PCDH7: variants seen among roughly 807,000 people sequenced by gnomAD.
PCDH7 encodes the protein protocadherin 7.
A neutral mutation model predicts 58.9 loss-of-function variants in PCDH7; 17 were observed. The ratio of observed to expected loss-of-function variants is 0.29; its 90% CI spans 0.20 to 0.43. The LOEUF is 0.43. Among genes scored for constraint, PCDH7 ranks in the 20% least tolerant of loss-of-function variants. The probability of loss-of-function intolerance (pLI) is 1.00; values close to 1 mark genes in which losing one functional copy is unlikely to be tolerated. For missense variants in PCDH7, 1,274 were observed against 1,441.0 expected, an observed-to-expected ratio of 0.88 and a Z score of 1.88; for synonymous variants, 664 against 616.4, an observed-to-expected ratio of 1.08 and a Z score of -1.14.
chr4:30,733,788 T>A (rs139447341), downstream of PCDH7, among the ~76,000 whole-genome samples: 11 of 152,094 alleles, frequency 7.2e-5, no homozygotes, highest in Admixed American at 2.0e-4. Flanking sequence ...TGAAAAAAAA[T>A]ATTCAGTCAT....
chr4:30,951,086 T>A (rs2109447861), intron 3 of PCDH7, among the ~76,000 whole-genome samples: 1 of 152,308 alleles, frequency 6.6e-6, no homozygotes, highest in South Asian at 2.1e-4. Flanking sequence ...GACACATGAC[T>A]AAAATGCTAC....
intron 3 of PCDH7, among the ~76,000 whole-genome samples, chr4:31,005,694 T>C (rs1752716319): frequency 6.6e-6 from 1 of 152,198 alleles, no homozygotes; most frequent in Admixed American, 6.5e-5. Context: ...AGGTTGAGTT[T>C]ATATGTTTTT....
At chr4:30,983,032 C>T (rs1417987202) in intron 3 of PCDH7, among the ~76,000 whole-genome samples, 1 of 152,136 alleles carries the variant, frequency 6.6e-6, no homozygotes, top group Non-Finnish European at 1.5e-5. Flanking sequence ...TGATAACATG[C>T]CTCTACTCTT....
intron 3 of PCDH7, among the ~76,000 whole-genome samples, chr4:31,077,188 A>G (rs1384789507): frequency 1.3e-5 from 2 of 152,160 alleles, no homozygotes; most frequent in Non-Finnish European, 2.9e-5. Flanking sequence ...AGGCGAGCAG[A>G]TCACCTGAGG....
intron 3 of PCDH7, among the ~76,000 whole-genome samples, chr4:30,978,465 GC>G (rs1490644242): frequency 1.3e-5 from 2 of 152,072 alleles, no homozygotes; most frequent in Admixed American, 6.6e-5. Flanking sequence ...AAGTAAACAT[GC>G]TTTTTTTAAT....
chr4:31,103,646 T>A (rs1715183626), intron 3 of PCDH7, among the ~76,000 whole-genome samples: 1 of 152,208 alleles, frequency 6.6e-6, no homozygotes, highest in Admixed American at 6.5e-5. Context: ...TCTTTAAAAA[T>A]GTTGCTCTGA....
At chr4:30,911,574 C>G (rs1741779532) in intron 1 of PCDH7, among the ~76,000 whole-genome samples, 1 of 152,048 alleles carries the variant, frequency 6.6e-6, no homozygotes, top group Non-Finnish European at 1.5e-5. Flanking sequence ...ATAGAGGAAC[C>G]ACAATTTGTG....
chr4:30,864,566 C>T (rs143452338), intron 1 of PCDH7, among the ~76,000 whole-genome samples: 1 of 151,854 alleles, frequency 6.6e-6, no homozygotes, highest in East Asian at 1.9e-4. Context: ...AGATGATATA[C>T]TACATTTACA....
downstream of PCDH7, among the ~76,000 whole-genome samples, chr4:30,736,578 G>GCCC (rs1268684946): frequency 1.4e-5 from 2 of 146,822 alleles, no homozygotes; most frequent in Non-Finnish European, 3.0e-5. Context: ...CTCTGCCGCC[G>GCCC]GGGCTGGAGT....
intron 1 of PCDH7, among the ~76,000 whole-genome samples, chr4:30,918,271 C>T (rs989274118): frequency 6.6e-6 from 1 of 151,904 alleles, no homozygotes; most frequent in African/African-American, 2.4e-5. Flanking sequence ...AGGAGACTGT[C>T]AGTGGTCTCA....
At chr4:30,732,756 A>T (rs1353616981) in exon 2 of PCDH7, 1 of 152,090 alleles carries the variant, frequency 6.6e-6, no homozygotes, top group Non-Finnish European at 1.5e-5. Context: ...TGGGGTAGGA[A>T]GTTATGGCTA....
At chr4:30,769,213 T>C (rs1235719592) in intron 1 of PCDH7, among the ~76,000 whole-genome samples, 20 of 152,230 alleles carry the variant, frequency 1.3e-4, no homozygotes, top group Non-Finnish European at 1.5e-5. Context: ...TGCAGGACTG[T>C]AGGCACCAGG....
At chr4:30,968,534 C>T (rs1749258035) in intron 3 of PCDH7, among the ~76,000 whole-genome samples, 1 of 151,288 alleles carries the variant, frequency 6.6e-6, no homozygotes, top group South Asian at 2.1e-4. Flanking sequence ...AAAATCATCC[C>T]TGAACTCCAT....
At chr4:30,911,329 C>G (rs1007154290) in intron 1 of PCDH7, among the ~76,000 whole-genome samples, 1 of 147,058 alleles carries the variant, frequency 6.8e-6, no homozygotes, top group African/African-American at 2.5e-5. Flanking sequence ...CACCCCCCCC[C>G]CCAAAAAAAA....
intron 3 of PCDH7, among the ~76,000 whole-genome samples, chr4:31,131,517 ACT>A (rs1488807031): frequency 6.6e-6 from 1 of 151,922 alleles, no homozygotes; most frequent in East Asian, 1.9e-4. Context: ...AATGTTTAAA[ACT>A]CTTCCCATGA....
In PCDH7 at chr4:30,844,847, G is replaced by T. The variant is rs538472864; in HGVS notation, c.71-75306G>T. Among the ~76,000 whole-genome samples, 13 of 152,222 alleles carry T rather than the reference G, an allele frequency of 8.5e-5. No individual in the cohort carries two copies. In the East Asian group the frequency reaches 2.3e-3, roughly 27 times the overall value. On this transcript the variant is annotated intron_variant, in intron 1 of 3. Transcript: ENST00000509759. Reference sequence around the variant, plus strand: ...ACATTCCACAGGGTTAAAATCAGGTGGGCTAGCCATGCCATCTCTTTTCTA... The same window carrying T: ...ACATTCCACAGGGTTAAAATCAGGTTGGCTAGCCATGCCATCTCTTTTCTA...
chr4:30,873,522 T>C (rs1735888475), intron 1 of PCDH7, among the ~76,000 whole-genome samples: 1 of 152,100 alleles, frequency 6.6e-6, no homozygotes, highest in African/African-American at 2.4e-5. Flanking sequence ...TATTTCTAAA[T>C]AATGAGAAAT....
intron 1 of PCDH7, among the ~76,000 whole-genome samples, chr4:30,844,160 T>C (rs1385190881): frequency 6.6e-6 from 1 of 152,168 alleles, no homozygotes; most frequent in African/African-American, 2.4e-5. Flanking sequence ...AAGCACTATG[T>C]TCTTGTATGT....
At chr4:30,885,354 A>G (rs1226195865) in intron 1 of PCDH7, among the ~76,000 whole-genome samples, 2 of 152,156 alleles carry the variant, frequency 1.3e-5, no homozygotes, top group Non-Finnish European at 2.9e-5. Flanking sequence ...GTTTTATCCT[A>G]TGTGGTAATT....
Sources: gnomAD v4.1 joint callset for allele counts (sites outside exome capture counted in the v4.1 genomes callset) on GRCh38, gnomAD v4.1.1 for gene constraint, MANE v1.5 for transcripts, NCBI Gene and HGNC (gene_info 2026-07-23, HGNC 2026-07-21) for gene names.